The following GPC4 variants were observed in gnomAD, a reference collection of about 807,000 sequenced individuals.
The protein encoded by GPC4 is glypican 4.
GPC4 carries 10 observed loss-of-function variants against 35.0 expected under a neutral mutation model. That is an observed-to-expected ratio of 0.29 (90% confidence interval 0.18 to 0.48). GPC4 has a LOEUF of 0.48. Among genes scored for constraint, GPC4 ranks in the 20% least tolerant of loss-of-function variants. The pLI is 0.99. For missense variants in GPC4, 322 were observed against 451.3 expected, an observed-to-expected ratio of 0.71 and a Z score of 2.60; for synonymous variants, 167 against 170.2, an observed-to-expected ratio of 0.98 and a Z score of 0.15.
chrX:133,349,703 C>G (rs1026535499), intron 1 of GPC4, among the ~76,000 whole-genome samples: 6 of 112,145 alleles, frequency 5.4e-5, no homozygotes, highest in African/African-American at 1.9e-4. Context: ...TCACTGCAGT[C>G]TCGACCTCCT....
At chrX:133,374,468 T>C (rs2068625392) in intron 1 of GPC4, among the ~76,000 whole-genome samples, 1 of 111,743 alleles carries the variant, frequency 8.9e-6, no homozygotes, top group Non-Finnish European at 1.9e-5. Context: ...CTTCTTTAAG[T>C]AAGGAAACCT....
intron 1 of GPC4, among the ~76,000 whole-genome samples, chrX:133,401,212 T>C (rs1334786967): frequency 9.0e-6 from 1 of 111,364 alleles, no homozygotes; most frequent in Non-Finnish European, 1.9e-5. Context: ...TCATAAGCCT[T>C]GATTTTCACT....
At chrX:133,323,205 A>G (rs960374169) in intron 3 of GPC4, among the ~76,000 whole-genome samples, 1 of 111,850 alleles carries the variant, frequency 8.9e-6, no homozygotes. Flanking sequence ...TCGGCCAGGC[A>G]TGGTGGCTCT....
At chrX:133,414,636 C>T in intron 1 of GPC4, 170 bp downstream of exon 1, 1 of 754,465 alleles carries the variant, frequency 1.3e-6, no homozygotes, top group Non-Finnish European at 1.6e-6. Context: ...CGTCCTGCGC[C>T]CGGGCTGCCT....
chrX:133,393,451 C>T (rs2068728928), intron 1 of GPC4, among the ~76,000 whole-genome samples: 1 of 107,683 alleles, frequency 9.3e-6, no homozygotes, highest in Admixed American at 1.0e-4. Flanking sequence ...AGGTTCCTGG[C>T]CAGAACTAAG....
At chrX:133,304,348 G>A (rs183115745) in intron 7 of GPC4, among the ~76,000 whole-genome samples, 41 of 111,533 alleles carry the variant, frequency 3.7e-4, no homozygotes, top group African/African-American at 1.3e-3. Flanking sequence ...GTTACTGAGC[G>A]TCTAAGGGAG....
intron 1 of GPC4, among the ~76,000 whole-genome samples, chrX:133,370,359 G>T (rs2068607355): frequency 8.9e-6 from 1 of 111,812 alleles, no homozygotes; most frequent in African/African-American, 3.2e-5. Flanking sequence ...AGACTTCCAA[G>T]GTTATTTCAT....
chrX:133,393,371 C>T, intron 1 of GPC4, among the ~76,000 whole-genome samples: 1 of 111,295 alleles, frequency 9.0e-6, no homozygotes, highest in East Asian at 2.8e-4. Flanking sequence ...ACCCACTCTC[C>T]CACCAGCCAA....
At chrX:133,370,417 C>G (rs761688435) in intron 1 of GPC4, among the ~76,000 whole-genome samples, 24 of 112,156 alleles carry the variant, frequency 2.1e-4, no homozygotes, top group South Asian at 1.9e-3. Context: ...AATAAAGAAG[C>G]AAATAACTAT....
intron 1 of GPC4, among the ~76,000 whole-genome samples, chrX:133,360,553 A>G (rs903784868): frequency 4.5e-5 from 5 of 111,314 alleles, no homozygotes; most frequent in Non-Finnish European, 9.4e-5. Context: ...AAAGAAGAAG[A>G]AGAAGAAGAA....
intron 1 of GPC4, among the ~76,000 whole-genome samples, chrX:133,361,174 GA>G (rs1315759376): frequency 2.7e-5 from 3 of 111,769 alleles, no homozygotes; most frequent in Non-Finnish European, 5.6e-5. Flanking sequence ...ACAGACCTAA[GA>G]GGTGATTTAT....
intron 1 of GPC4, among the ~76,000 whole-genome samples, chrX:133,347,045 T>A (rs1332149403): frequency 1.8e-5 from 2 of 110,668 alleles, no homozygotes; most frequent in African/African-American, 3.3e-5. Context: ...TATATCCCAA[T>A]AAGACAGTTA....
intron 1 of GPC4, among the ~76,000 whole-genome samples, chrX:133,378,614 A>T (rs1239234862): frequency 1.8e-5 from 2 of 109,759 alleles, no homozygotes; most frequent in Non-Finnish European, 3.8e-5. Context: ...GAAATCCCAT[A>T]ACTTAACCAT....
intron 1 of GPC4, among the ~76,000 whole-genome samples, chrX:133,356,615 A>G (rs1270743728): frequency 9.0e-6 from 1 of 111,150 alleles, no homozygotes; most frequent in Non-Finnish European, 1.9e-5. Flanking sequence ...TCACCATGTG[A>G]TGCCTGCTCC....
intron 2 of GPC4, 122 bp from the exon 3 acceptor site, chrX:133,324,658 G>A: frequency 1.5e-6 from 1 of 666,993 alleles, no homozygotes; most frequent in East Asian, 3.5e-5. Context: ...TGGAAAACGT[G>A]TTTGTATATA....
At chrX:133,317,786 GAT>G (rs1406045065) in intron 3 of GPC4, among the ~76,000 whole-genome samples, 2 of 111,800 alleles carry the variant, frequency 1.8e-5, no homozygotes, top group Non-Finnish European at 3.8e-5. Flanking sequence ...CGGTAAGAGT[GAT>G]AGGGAACCCA....
chrX:133,378,040 G>A (rs1250872291), intron 1 of GPC4, among the ~76,000 whole-genome samples: 2 of 108,432 alleles, frequency 1.8e-5, no homozygotes, highest in African/African-American at 3.4e-5. Flanking sequence ...GACTACAGGT[G>A]TGCACCACCA....
chrX:133,377,770 A>G (rs1053194937), intron 1 of GPC4, among the ~76,000 whole-genome samples: 11 of 111,164 alleles, frequency 9.9e-5, no homozygotes, highest in Non-Finnish European at 9.4e-5. Flanking sequence ...CAGAGCTAAT[A>G]AGTGGCAGTG....
chrX:133,348,369 C>T (rs1161299290), intron 1 of GPC4, among the ~76,000 whole-genome samples: 2 of 112,322 alleles, frequency 1.8e-5, no homozygotes, highest in Non-Finnish European at 3.8e-5. Context: ...ACAACCACTA[C>T]CTCCAGGACT....
Sources: gnomAD v4.1 joint callset for allele counts (sites outside exome capture counted in the v4.1 genomes callset) on GRCh38, gnomAD v4.1.1 for gene constraint, MANE v1.5 for transcripts, NCBI Gene and HGNC (gene_info 2026-07-23, HGNC 2026-07-21) for gene names.